RANBP2: variants seen among roughly 807,000 people sequenced by gnomAD.
RANBP2 encodes the protein E3 SUMO-protein ligase RanBP2.
In RANBP2, 57 loss-of-function variants were observed where a neutral mutation model predicts 303.6. The observed-to-expected ratio is 0.19, with a 90% CI of 0.15 to 0.23. The LOEUF (loss-of-function observed/expected upper bound fraction) is 0.23. RANBP2 is among the 10% of genes least tolerant of loss of function. The pLI is 1.00. For synonymous variants in RANBP2, 1,167 were observed against 1,301.5 expected, an observed-to-expected ratio of 0.90 and a Z score of 2.23; for missense variants, 3,138 against 3,780.8, an observed-to-expected ratio of 0.83 and a Z score of 4.46.
At chr2:109,554,156 A>G in the RANBP2 span, among the ~76,000 whole-genome samples, 2 of 152,202 alleles carry the variant, frequency 1.3e-5, no homozygotes, top group African/African-American at 4.8e-5. Context: ...TAATTACCCA[A>G]TTTTTGGTGC....
the RANBP2 span, among the ~76,000 whole-genome samples, chr2:108,849,985 G>A: frequency 0.041 from 6,259 of 152,264 alleles, 434 homozygotes; most frequent in African/African-American, 0.14. Context: ...AGGATGCATG[G>A]GCCAGTGAAT....
chr2:109,513,895 G>A, the RANBP2 span, among the ~76,000 whole-genome samples: 1 of 121,624 alleles, frequency 8.2e-6, no homozygotes, highest in African/African-American at 3.2e-5. Flanking sequence ...GCTACCCCAG[G>A]GGGACCACCG....
the RANBP2 span, among the ~76,000 whole-genome samples, chr2:108,804,467 CTTTCA>C: frequency 6.6e-6 from 1 of 152,022 alleles, no homozygotes; most frequent in South Asian, 2.1e-4. Flanking sequence ...TGAAAGATTT[CTTTCA>C]TTTCTCAAAG....
chr2:109,613,961 G>T, the RANBP2 span: 2 of 1,160,200 alleles, frequency 1.7e-6, no homozygotes, highest in Non-Finnish European at 2.1e-6. Context: ...CCGCGACGGG[G>T]AAGGGACAGG....
the RANBP2 span, among the ~76,000 whole-genome samples, chr2:108,981,173 A>T: frequency 3.9e-5 from 6 of 152,268 alleles, no homozygotes; most frequent in East Asian, 7.7e-4. Flanking sequence ...GAAGTGACAG[A>T]AGTTACCCAG....
chr2:109,126,300 A>G, the RANBP2 span, among the ~76,000 whole-genome samples: 1 of 152,202 alleles, frequency 6.6e-6, no homozygotes, highest in Non-Finnish European at 1.5e-5. Flanking sequence ...AGGTGGGCTT[A>G]AGTGGCTCTC....
the RANBP2 span, chr2:109,129,945 G>T: frequency 8.2e-6 from 12 of 1,471,020 alleles, no homozygotes; most frequent in Non-Finnish European, 9.8e-6. Flanking sequence ...GCGGCAGCCC[G>T]CCCGCGCGTC....
At chr2:109,340,849 G>A in the RANBP2 span, among the ~76,000 whole-genome samples, 1 of 152,088 alleles carries the variant, frequency 6.6e-6, no homozygotes, top group Non-Finnish European at 1.5e-5. Context: ...CCTAACCGCT[G>A]CTTTGATGCA....
the RANBP2 span, among the ~76,000 whole-genome samples, chr2:109,439,624 C>T: frequency 9.9e-5 from 15 of 152,258 alleles, no homozygotes; most frequent in East Asian, 2.7e-3. Flanking sequence ...ATTAATGTAA[C>T]TCCTTTCCCA....
At chr2:109,410,025 C>T in the RANBP2 span, among the ~76,000 whole-genome samples, 9 of 152,170 alleles carry the variant, frequency 5.9e-5, no homozygotes, top group South Asian at 4.1e-4. Context: ...AGCCTGCCAA[C>T]GCCCAGACCC....
chr2:109,708,424 G>C, the RANBP2 span, among the ~76,000 whole-genome samples: 6 of 151,982 alleles, frequency 3.9e-5, no homozygotes, highest in African/African-American at 1.5e-4. Context: ...TTAGAAGGCA[G>C]AGGTGGGCGA....
intron 24 of RANBP2, 45 bp from the exon 25 acceptor site, chr2:108,777,085 T>A (rs758741951): frequency 1.3e-6 from 2 of 1,547,156 alleles, no homozygotes; most frequent in South Asian, 2.2e-5. Flanking sequence ...GCTTTGATAT[T>A]CAGCACAAAT....
chr2:109,571,276 C>A, the RANBP2 span, among the ~76,000 whole-genome samples: 3 of 152,128 alleles, frequency 2.0e-5, no homozygotes, highest in African/African-American at 2.4e-5. Context: ...TATAGCAATG[C>A]GAGAACGGAC....
At chr2:109,172,704 G>C in the RANBP2 span, among the ~76,000 whole-genome samples, 1 of 152,134 alleles carries the variant, frequency 6.6e-6, no homozygotes, top group African/African-American at 2.4e-5. Context: ...TTAGAAATGG[G>C]GACACATGTC....
At chr2:109,001,704 C>T in the RANBP2 span, among the ~76,000 whole-genome samples, 1 of 152,068 alleles carries the variant, frequency 6.6e-6, no homozygotes, top group Non-Finnish European at 1.5e-5. Flanking sequence ...TTATAATTTG[C>T]CATTGAAGTT....
chr2:108,974,674 G>A, the RANBP2 span, among the ~76,000 whole-genome samples: 3 of 152,064 alleles, frequency 2.0e-5, no homozygotes, highest in Non-Finnish European at 2.9e-5. Context: ...AGGTTTCAGT[G>A]AGCCGAGATA....
At chr2:108,895,140 C>T in the RANBP2 span, 1 of 152,632 alleles carries the variant, frequency 6.6e-6, no homozygotes. Context: ...GTTCGAAAAA[C>T]AGCAGCAAAC....
At chr2:108,823,130 T>C in the RANBP2 span, among the ~76,000 whole-genome samples, 1 of 152,154 alleles carries the variant, frequency 6.6e-6, no homozygotes, top group East Asian at 1.9e-4. Context: ...GTCCAATGAT[T>C]AGTATCACTA....
chr2:109,705,477 C>T, the RANBP2 span, among the ~76,000 whole-genome samples: 1 of 152,196 alleles, frequency 6.6e-6, no homozygotes, highest in Non-Finnish European at 1.5e-5. Context: ...CAGGAAGATG[C>T]TTAGTTAGAC....
Sources: allele counts gnomAD v4.1 joint callset (sites outside exome capture counted in the v4.1 genomes callset), GRCh38; gene constraint gnomAD v4.1.1; transcripts MANE v1.5; gene names NCBI Gene and HGNC (gene_info 2026-07-23, HGNC 2026-07-21).